Variants in PCDHA10 observed in about 807,000 individuals in gnomAD.
PCDHA10 encodes protocadherin alpha 10.
Under a neutral mutation model 61.2 loss-of-function variants are expected in PCDHA10, and 45 were observed. That is an observed-to-expected ratio of 0.74 (90% CI 0.58 to 0.94). PCDHA10 has a LOEUF of 0.94. PCDHA10 is among the 40% of genes least tolerant of loss of function. PCDHA10 has a pLI of 0.00. For missense variants in PCDHA10, 1,278 were observed against 1,236.2 expected (o/e 1.03, Z -0.51); for synonymous variants, 602 against 548.8 (o/e 1.10, Z -1.35).
intron 1 of PCDHA10, among the ~76,000 whole-genome samples, chr5:140,917,244 C>T (rs891511496): frequency 1.9e-4 from 29 of 149,864 alleles, no homozygotes; most frequent in Non-Finnish European, 3.0e-4. Flanking sequence ...CTAGGTACTA[C>T]GATTGCTCAC....
At chr5:140,918,036 C>G (rs1423930397) in intron 1 of PCDHA10, among the ~76,000 whole-genome samples, 1 of 152,036 alleles carries the variant, frequency 6.6e-6, no homozygotes, top group Non-Finnish European at 1.5e-5. Flanking sequence ...CGTGGAAGGT[C>G]TTTCCATTTG....
At chr5:140,995,738 T>G (rs1441000111) in intron 3 of PCDHA10, among the ~76,000 whole-genome samples, 1 of 152,150 alleles carries the variant, frequency 6.6e-6, no homozygotes, top group Non-Finnish European at 1.5e-5. Context: ...CTGGTGGATT[T>G]GGTATATCAT....
In PCDHA10 at chr5:140,858,195, A is replaced by G; in HGVS notation, c.2147A>G (p.Tyr716Cys). 1 of 1,597,156 alleles carries G rather than the reference A, an allele frequency of 6.3e-7. No homozygotes were observed. Among genetic ancestry groups the G allele is most frequent in the East Asian group, 2.2e-5 (1 of 44,810 alleles). ...TTGCTGGTGCTCACGCTGCTGCTGT[A>G]CACTGCACTGAGGTGCTCGGCGGCG... ...SSLLVLTLLLYTALRCSAAPT... is the reference protein window; with the variant it reads ...SSLLVLTLLLCTALRCSAAPT... Residue 716 changes from tyrosine (Y) to cysteine (C), a missense_variant, in exon 1 of 4, where the codon TAC becomes TGC. Coordinates refer to ENST00000307360, the MANE Select transcript of PCDHA10 (RefSeq NM_018901.4).
chr5:140,871,092 C>A (rs575877743), intron 1 of PCDHA10: 2 of 1,613,142 alleles, frequency 1.2e-6, no homozygotes, highest in Admixed American at 1.7e-5. Flanking sequence ...CCACGGCCAC[C>A]GTGCTGGTGT....
In PCDHA10 at chr5:140,929,079, T is replaced by G. The variant is rs76301676; in HGVS notation, c.2389-49870T>G. 5,184 of 1,614,178 alleles carry G rather than the reference T, an allele frequency of 3.2e-3. 26 individuals are homozygous for G. Among genetic ancestry groups the G allele is most frequent in the African/African-American group, 0.019 (1,450 of 75,034 alleles). On this transcript the variant is annotated intron_variant, in intron 1 of 3. Transcript: ENST00000307360. ...CTACAGAGGATCTGAGGTATGGAAGTAAGATGGTTTCAAATCCTTGCATGA... is the reference window on the plus strand; with the variant it reads ...CTACAGAGGATCTGAGGTATGGAAGGAAGATGGTTTCAAATCCTTGCATGA...
chr5:140,877,144 G>C, intron 1 of PCDHA10: 2 of 1,613,772 alleles, frequency 1.2e-6, no homozygotes, highest in South Asian at 1.1e-5. Context: ...CGTGCTGGAC[G>C]AGAACGACAA....
At chr5:140,874,041 G>C (rs1385679236) in intron 1 of PCDHA10, among the ~76,000 whole-genome samples, 1 of 152,212 alleles carries the variant, frequency 6.6e-6, no homozygotes, top group African/African-American at 2.4e-5. Flanking sequence ...GAAACTTGGT[G>C]ATGATATTAG....
At position 140,925,289 on chromosome 5, in the gene PCDHA10, G is replaced by T. The variant is rs190990360; in HGVS notation, c.2389-53660G>T. Among the ~76,000 whole-genome samples, 1,224 of 152,222 alleles carry T rather than the reference G, an allele frequency of 8.0e-3. 6 individuals carry two copies. The highest frequency in any genetic ancestry group is 0.019 in the African/African-American group (790 of 41,540). On this transcript the variant is annotated intron_variant, in intron 1 of 3. Coordinates refer to ENST00000307360, the MANE Select transcript of PCDHA10 (RefSeq NM_018901.4). The stretch of plus-strand genomic sequence containing the variant: ...TGTGTTCAGATTTTGCCTTTCAAAT[G>T]TTTCATTATTGGGGCTTTGGACATA...
At chr5:140,969,994 CAGAG>C (rs1406079395) in intron 1 of PCDHA10, among the ~76,000 whole-genome samples, 2 of 152,032 alleles carry the variant, frequency 1.3e-5, no homozygotes, top group Non-Finnish European at 1.5e-5. Context: ...AGAGGGCTGT[CAGAG>C]GGAGTGGATG....
intron 1 of PCDHA10, chr5:140,884,831 ATCCT>A: frequency 1.1e-6 from 1 of 939,722 alleles, no homozygotes; most frequent in Non-Finnish European, 1.5e-6. Flanking sequence ...GTGTTGGATT[ATCCT>A]TCAGAGTGAA....
rs1554151274 is a variant in PCDHA10, at chr5:140,858,209, T to A, written c.2161T>A (p.Cys721Ser). 1 of 1,593,850 alleles carries A rather than the reference T, an allele frequency of 6.3e-7. No homozygotes were observed. The highest frequency in any genetic ancestry group is 1.7e-5 in the Admixed American group (1 of 59,044). The change falls in exon 1 of 4, where the codon TGC becomes AGC. Residue 721 changes from cysteine (C) to serine (S), a missense_variant. Transcript: ENST00000307360. ...LTLLLYTALR[C>S]SAAPTEGACG... The stretch of plus-strand genomic sequence containing the variant: ...GCTGCTGCTGTACACTGCACTGAGG[T>A]GCTCGGCGGCGCCCACCGAGGGCGC...
Position 140,870,951 on chromosome 5 carries a change from C to T in PCDHA10, c.2388+12515C>T, listed in dbSNP as rs781985952. 6 of 1,613,558 alleles carry T rather than the reference C, an allele frequency of 3.7e-6. No individual in the cohort carries two copies. The Admixed American group carries it at 1.0e-4, about 27-fold the overall frequency. ...ATGAATTGCAGCCGGCGGCGGGCGGCTCGCGCATCCCGTTCCGCGTGGGGC... is the reference window on the plus strand; with the variant it reads ...ATGAATTGCAGCCGGCGGCGGGCGGTTCGCGCATCCCGTTCCGCGTGGGGC... On this transcript the variant is annotated intron_variant, in intron 1 of 3. Transcript: ENST00000307360.
chr5:140,989,686 C>T (rs534780216), intron 3 of PCDHA10, among the ~76,000 whole-genome samples: 2 of 152,254 alleles, frequency 1.3e-5, no homozygotes, highest in African/African-American at 4.8e-5. Flanking sequence ...TTCAAAGGAA[C>T]GTGAAAATTT....
chr5:140,914,207 A>G (rs1485868934), intron 1 of PCDHA10, among the ~76,000 whole-genome samples: 4 of 152,060 alleles, frequency 2.6e-5, no homozygotes, highest in African/African-American at 9.7e-5. Context: ...TGTGATCTCT[A>G]TCTCTCTTTT....
intron 1 of PCDHA10, chr5:140,869,206 G>T (rs192388233): frequency 7.4e-6 from 12 of 1,613,854 alleles, no homozygotes; most frequent in African/African-American, 1.3e-5. Flanking sequence ...CCACTACTCC[G>T]TCTCGGAGGA....
At chr5:140,976,971 C>A (rs2096740170) in intron 1 of PCDHA10, among the ~76,000 whole-genome samples, 1 of 152,138 alleles carries the variant, frequency 6.6e-6, no homozygotes, top group Non-Finnish European at 1.5e-5. Flanking sequence ...TTTCCTTTTC[C>A]CTGCCTGATC....
intron 1 of PCDHA10, among the ~76,000 whole-genome samples, chr5:140,910,364 TATGCCCACCTTGCC>T: frequency 6.6e-6 from 1 of 152,222 alleles, no homozygotes; most frequent in Admixed American, 6.5e-5. Context: ...TTATGGTAGC[TATGCCCACCTTGCC>T]TTTGACAGTT....
At chr5:140,968,310 G>T (rs2096237719) in intron 1 of PCDHA10, 4 of 1,613,920 alleles carry the variant, frequency 2.5e-6, no homozygotes, top group Non-Finnish European at 3.4e-6. Flanking sequence ...GAGATTCAAG[G>T]GCTGCCAGTC....
chr5:140,867,957 CA>C (rs1271215913), intron 1 of PCDHA10: 1 of 152,006 alleles, frequency 6.6e-6, no homozygotes, highest in Non-Finnish European at 1.5e-5. Flanking sequence ...CTCCCAAACC[CA>C]AAATTCTTTC....
Sources: gnomAD v4.1 joint callset for allele counts (sites outside exome capture counted in the v4.1 genomes callset) on GRCh38, gnomAD v4.1.1 for gene constraint, MANE v1.5 for transcripts, NCBI Gene and HGNC (gene_info 2026-07-23, HGNC 2026-07-21) for gene names.